CARD14: variants seen among roughly 807,000 people sequenced by gnomAD.
The protein encoded by CARD14 is caspase recruitment domain-containing protein 14.
CARD14 carries 107 observed loss-of-function variants against 111.5 expected under a neutral mutation model. The observed-to-expected ratio is 0.96, with a 90% CI of 0.82 to 1.13. The LOEUF (loss-of-function observed/expected upper bound fraction) is 1.13. Ranked by LOEUF, CARD14 falls within the 50% of genes most tolerant of loss-of-function variation. The pLI is 0.00. For synonymous variants in CARD14, 617 were observed against 579.6 expected, an observed-to-expected ratio of 1.06 and a Z score of -0.93; for missense variants, 1,322 against 1,362.3, an observed-to-expected ratio of 0.97 and a Z score of 0.47.
chr17:80,185,939 C>T (rs1482845824), intron 7 of CARD14, among the ~76,000 whole-genome samples: 1 of 152,270 alleles, frequency 6.6e-6, no homozygotes, highest in Non-Finnish European at 1.5e-5. Flanking sequence ...CCTGTCGCCC[C>T]TCACAGGGGA....
At position 80,205,647 on chromosome 17, in the gene CARD14, GA is replaced by G; in HGVS notation, c.2690del (p.Lys897ArgfsTer125). 8.3e-7 allele frequency: 1 copy of G among 1,202,726 alleles called. No individual in the cohort carries two copies. The highest frequency in any genetic ancestry group is 2.2e-5 in the Admixed American group (1 of 46,302). 74.5% of individuals were successfully genotyped at this position (1,202,726 alleles called of 1,614,324 possible). ...VTRHAVESLM[E>X]KNTHALLDVQ... ...CCGCCATGCTGTGGAGTCCCTCATG[GA>G]AAAGGTGAGGTCAAGGGCGGGGTGG... On this transcript the variant is annotated frameshift_variant, in exon 22 of 24. Coordinates refer to ENST00000648509, the MANE Select transcript of CARD14 (RefSeq NM_001366385.1). LOFTEE classifies it high-confidence loss of function.
In CARD14 at chr17:80,201,407, T is replaced by A. The variant is rs1598690841; in HGVS notation, c.1852-337T>A. On this transcript the variant is annotated intron_variant, in intron 16 of 23. Transcript: ENST00000648509. This position sits in a 1 kb window ranked among gnomAD's most constrained non-coding sequence, Gnocchi z 5.0. ...ATCCCAAGGCTAAGAAACCTCTATCTAGAATGCTCTTGAATGTTCTAGAAC... is the reference window on the plus strand; with the variant it reads ...ATCCCAAGGCTAAGAAACCTCTATCAAGAATGCTCTTGAATGTTCTAGAAC... 4 of 293,604 alleles carry A rather than the reference T, an allele frequency of 1.4e-5. No homozygotes were observed. The East Asian group carries it at 4.5e-4, about 33-fold the overall frequency. The allele number at this position is 293,604 out of a possible 1,614,324, so 18.2% of individuals were successfully genotyped here. A position where few individuals can be genotyped will look rare whatever the true frequency, so the allele number is the denominator to read the frequency against.
chr17:80,194,245 T>TG (rs1598663523), intron 12 of CARD14, among the ~76,000 whole-genome samples: 1 of 152,232 alleles, frequency 6.6e-6, no homozygotes, highest in South Asian at 2.1e-4. Context: ...CCCACAGCCC[T>TG]GGAATGCCTC....
chr17:80,190,168 C>A (rs192588892), intron 9 of CARD14, among the ~76,000 whole-genome samples: 14 of 152,116 alleles, frequency 9.2e-5, no homozygotes, highest in South Asian at 4.1e-4. Context: ...GGAAAGGAGA[C>A]GGTAGAAGAG....
Position 80,190,884 on chromosome 17 carries a change from G to A in CARD14, c.1074G>A (p.Gln358=). The A allele has an allele frequency of 6.2e-7, 1 of 1,613,150 alleles. No individual in the cohort carries two copies. The highest frequency in any genetic ancestry group is 8.5e-7 in the Non-Finnish European group (1 of 1,179,778). ...NALQAQVCEL[Q]KERDQAYSAR... The stretch of plus-strand genomic sequence containing the variant: ...TGCAGGCCCAGGTGTGCGAGCTGCA[G>A]AAGGAGCGAGACCAGGTACCTGAGA... The change falls in exon 10 of 24, where the codon CAG becomes CAA. Residue 358 remains glutamine, a synonymous_variant. Transcript: ENST00000648509.
chr17:80,207,805 C>T, intron 23 of CARD14: 1 of 285,368 alleles, frequency 3.5e-6, no homozygotes, highest in Non-Finnish European at 6.5e-6. Flanking sequence ...GCCTCAGCTC[C>T]ACTGACCCTC....
intron 4 of CARD14, among the ~76,000 whole-genome samples, chr17:80,181,157 T>C (rs1274838026): frequency 1.3e-5 from 2 of 151,538 alleles, no homozygotes; most frequent in Non-Finnish European, 2.9e-5. Context: ...CAACAAAGTG[T>C]GATTTAGTGA....
In CARD14 at chr17:80,207,277, G is replaced by A. The variant is rs551494911; in HGVS notation, c.2807+192G>A. 1.8e-4 allele frequency among the ~76,000 whole-genome samples: 28 copies of A among 152,308 alleles called. No homozygotes were observed. In the South Asian group the frequency reaches 4.4e-3, roughly 24 times the overall value. On this transcript the variant is annotated intron_variant, in intron 23 of 23. Transcript: ENST00000648509. ...GAGATTCCCCTGATTTTGGCCGGGCGTGGTGGCTCACGCCTGTAATCCCAG... is the reference window on the plus strand; with the variant it reads ...GAGATTCCCCTGATTTTGGCCGGGCATGGTGGCTCACGCCTGTAATCCCAG...
chr17:80,171,283 CTTCTT>C (rs1450003134), intron 1 of CARD14, among the ~76,000 whole-genome samples: 1 of 146,062 alleles, frequency 6.8e-6, no homozygotes, highest in African/African-American at 2.5e-5. Context: ...TCTTTCTTTT[CTTCTT>C]TTCTTTCTTT....
intron 3 of CARD14, 43 bp downstream of exon 3, chr17:80,178,698 G>T (rs557159779): frequency 1.3e-5 from 2 of 152,206 alleles, no homozygotes; most frequent in Non-Finnish European, 2.9e-5. Context: ...GGCTTCTGGC[G>T]CTGCTCCTGC....
At chr17:80,199,420 G>GA (rs879397254) in intron 16 of CARD14, among the ~76,000 whole-genome samples, 1,623 of 143,576 alleles carry the variant, frequency 0.011, 17 homozygotes, top group South Asian at 0.059. Context: ...TAAACTTTAG[G>GA]AAAAAAAAAA....
At position 80,208,421 on chromosome 17, in the gene CARD14, C is replaced by T; in HGVS notation, c.*76C>T. 4 of 1,345,986 alleles carry T rather than the reference C, an allele frequency of 3.0e-6. No homozygotes were observed. Among genetic ancestry groups the T allele is most frequent in the Non-Finnish European group, 4.0e-6 (4 of 995,284 alleles). 83.4% of individuals were successfully genotyped at this position (1,345,986 alleles called of 1,614,324 possible). On this transcript the variant is annotated 3_prime_UTR_variant, in exon 24 of 24. Transcript: ENST00000648509. ...GCAGTCCTGTTCCTCAGCCCAGGCCCTCTTGGCACAGCTGTGGGCTCCTTG... is the reference window on the plus strand; with the variant it reads ...GCAGTCCTGTTCCTCAGCCCAGGCCTTCTTGGCACAGCTGTGGGCTCCTTG...
intron 16 of CARD14, among the ~76,000 whole-genome samples, chr17:80,199,561 C>CAAAAAAAAAAAAAAAAAAAAA (rs34737700): frequency 2.9e-5 from 2 of 68,790 alleles, no homozygotes; most frequent in Non-Finnish European, 5.2e-5. Context: ...AGCCTTGTCT[C>CAAAAAAAAAAAAAAAAAAAAA]AAAAAAAAAA....
intron 23 of CARD14, chr17:80,207,816 C>T: frequency 6.7e-6 from 2 of 298,020 alleles, no homozygotes; most frequent in Non-Finnish European, 1.2e-5. Context: ...ACTGACCCTC[C>T]ACTTACTGGT....
Position 80,195,748 on chromosome 17 carries a change from G to T in CARD14, c.1594+96G>T. On this transcript the variant is annotated intron_variant, in intron 14 of 23. Transcript: ENST00000648509. This position sits in a 1 kb window ranked among gnomAD's most constrained non-coding sequence, Gnocchi z 4.7. ...AGCCGGGGCCTCTCTCCAGGGAAAG[G>T]GCAGATAGAAGCAGAGCTCAACTTC... 9.6e-7 allele frequency: 1 copy of T among 1,038,984 alleles called. No individual in the cohort carries two copies. 64.4% of individuals were successfully genotyped at this position (1,038,984 alleles called of 1,614,324 possible). A position where few individuals can be genotyped will look rare whatever the true frequency, so the allele number is the denominator to read the frequency against.
intron 7 of CARD14, among the ~76,000 whole-genome samples, chr17:80,186,873 G>C (rs2144217121): frequency 6.6e-6 from 1 of 152,306 alleles, no homozygotes; most frequent in East Asian, 1.9e-4. Flanking sequence ...TAGAGAACAA[G>C]ATGTGGGCGT....
At position 80,184,263 on chromosome 17, in the gene CARD14, C is replaced by T. The variant is rs369282605; in HGVS notation, c.675+25C>T. ...GGTAGGGGGACACCCTGCACCCCGGCGCGACCCTGCTGTCGTCTGCCCCCA... is the reference window on the plus strand; with the variant it reads ...GGTAGGGGGACACCCTGCACCCCGGTGCGACCCTGCTGTCGTCTGCCCCCA... On this transcript the variant is annotated intron_variant, in intron 7 of 23. Coordinates refer to ENST00000648509, the MANE Select transcript of CARD14 (RefSeq NM_001366385.1). 7.8e-5 allele frequency: 116 copies of T among 1,486,120 alleles called. No individual in the cohort carries two copies. In the African/African-American group the frequency reaches 1.4e-3, roughly 19 times the overall value. The allele number at this position is 1,486,120 out of a possible 1,614,324, so 92.1% of individuals were successfully genotyped here.
In CARD14 at chr17:80,182,604, C is replaced by A. The variant is rs760225367; in HGVS notation, c.212-49C>A. On this transcript the variant is annotated intron_variant, in intron 5 of 23. Coordinates refer to ENST00000648509, the MANE Select transcript of CARD14 (RefSeq NM_001366385.1). This position sits in a 1 kb window ranked among gnomAD's most constrained non-coding sequence, Gnocchi z 4.7. ...TGGGGAAGCCAGCCAGGGAGCCCAGCCCCCTTGGTAGCTGGGTTCTGCCCA... is the reference window on the plus strand; with the variant it reads ...TGGGGAAGCCAGCCAGGGAGCCCAGACCCCTTGGTAGCTGGGTTCTGCCCA... The A allele has an allele frequency of 5.6e-6, 9 of 1,606,016 alleles. No individual in the cohort carries two copies. Among genetic ancestry groups the A allele is most frequent in the Non-Finnish European group, 6.8e-6 (8 of 1,175,906 alleles).
chr17:80,181,428 A>G lies in CARD14; in HGVS notation c.-11A>G, dbSNP rs1418895575. On this transcript the variant is annotated 5_prime_UTR_variant, in exon 5 of 24. Coordinates refer to ENST00000648509, the MANE Select transcript of CARD14 (RefSeq NM_001366385.1). Reference sequence around the variant, plus strand: ...TGGCCACCCCTCCTAGGGTCCTCCCAGCGCCCAGCCATGGGGGAACTGTGC... The same window carrying G: ...TGGCCACCCCTCCTAGGGTCCTCCCGGCGCCCAGCCATGGGGGAACTGTGC... 1 of 1,557,794 alleles carries G rather than the reference A, an allele frequency of 6.4e-7. No homozygotes were observed.
Sources: gnomAD v4.1 joint callset for allele counts (sites outside exome capture counted in the v4.1 genomes callset) on GRCh38, gnomAD v4.1.1 for gene constraint, Gnocchi (gnomAD v3.1) non-coding constraint, MANE v1.5 for transcripts, NCBI Gene and HGNC (gene_info 2026-07-23, HGNC 2026-07-21) for gene names.